Variants in OVCH1 observed in about 807,000 individuals in gnomAD.
OVCH1 encodes ovochymase-1.
In OVCH1, 139 loss-of-function variants were observed where a neutral mutation model predicts 138.4. That is an observed-to-expected ratio of 1.00 (90% CI 0.87 to 1.16). OVCH1 has a LOEUF of 1.16. Ranked by LOEUF, OVCH1 falls within the 50% of genes most tolerant of loss-of-function variation. The pLI is 0.00. For missense variants in OVCH1, 1,367 were observed against 1,357.9 expected, an observed-to-expected ratio of 1.01 and a Z score of -0.11; for synonymous variants, 453 against 467.8, an observed-to-expected ratio of 0.97 and a Z score of 0.41.
downstream of OVCH1, among the ~76,000 whole-genome samples, chr12:29,424,515 G>A (rs1056742717): frequency 1.1e-4 from 16 of 152,294 alleles, no homozygotes; most frequent in Admixed American, 5.2e-4. Context: ...AGCATAAGGC[G>A]GTAGGTAGGA....
downstream of OVCH1, among the ~76,000 whole-genome samples, chr12:29,408,216 A>G (rs1273644785): frequency 4.5e-3 from 573 of 126,452 alleles, 17 homozygotes; most frequent in African/African-American, 0.014. Flanking sequence ...GGCTGAGACA[A>G]TGGGGTTTTC....
downstream of OVCH1, chr12:29,427,511 G>C: frequency 6.5e-7 from 1 of 1,544,484 alleles, no homozygotes; most frequent in Non-Finnish European, 8.7e-7. Context: ...ACTTGAGACA[G>C]AATGTGCTTG....
chr12:29,449,122 G>A (rs1941700988), intron 22 of OVCH1, among the ~76,000 whole-genome samples: 1 of 152,072 alleles, frequency 6.6e-6, no homozygotes, highest in Non-Finnish European at 1.5e-5. Flanking sequence ...AGCCTTTAAT[G>A]TATTTTGCTT....
chr12:29,405,696 G>A, the OVCH1 span, among the ~76,000 whole-genome samples: 1 of 152,152 alleles, frequency 6.6e-6, no homozygotes, highest in Non-Finnish European at 1.5e-5. Context: ...TCTAGGATGA[G>A]AGAAAAATAA....
At chr12:29,450,154 A>G (rs1312174988) in intron 22 of OVCH1, among the ~76,000 whole-genome samples, 1 of 152,214 alleles carries the variant, frequency 6.6e-6, no homozygotes, top group Admixed American at 6.5e-5. Flanking sequence ...AACAAAAGTC[A>G]AAATTGACAA....
At chr12:29,480,855 C>T (rs778558974) in intron 8 of OVCH1, among the ~76,000 whole-genome samples, 1 of 152,182 alleles carries the variant, frequency 6.6e-6, no homozygotes, top group Admixed American at 6.5e-5. Flanking sequence ...TCTAAGGCTA[C>T]TCAGCATGCT....
At chr12:29,495,619 T>C (rs2136100377) in intron 3 of OVCH1, among the ~76,000 whole-genome samples, 162 bp from the exon 4 acceptor site, 1 of 152,326 alleles carries the variant, frequency 6.6e-6, no homozygotes, top group South Asian at 2.1e-4. Context: ...TCATATTTTT[T>C]TTAATCTAGA....
chr12:29,424,305 A>G (rs7954043), downstream of OVCH1, among the ~76,000 whole-genome samples: 32,886 of 152,170 alleles, frequency 0.22, 4,701 homozygotes, highest in African/African-American at 0.41. Flanking sequence ...GCCTTTAAGC[A>G]GTTTTCCATC....
intron 25 of OVCH1, among the ~76,000 whole-genome samples, chr12:29,442,267 A>G (rs1941505068): frequency 6.6e-6 from 1 of 151,920 alleles, no homozygotes; most frequent in Non-Finnish European, 1.5e-5. Flanking sequence ...TGTGGCACAT[A>G]TACACCATGG....
the OVCH1 span, among the ~76,000 whole-genome samples, chr12:29,404,587 A>G: frequency 6.6e-6 from 1 of 152,206 alleles, no homozygotes; most frequent in Non-Finnish European, 1.5e-5. Context: ...TGCTGACTGT[A>G]GACTCTGCCA....
downstream of OVCH1, chr12:29,425,882 C>T (rs1941172374): frequency 6.6e-6 from 1 of 152,110 alleles, no homozygotes. Flanking sequence ...TCTCTCTTCT[C>T]CAAGGTAAAC....
At chr12:29,439,616 G>T (rs1255119081) in intron 25 of OVCH1, among the ~76,000 whole-genome samples, 2 of 152,002 alleles carry the variant, frequency 1.3e-5, no homozygotes, top group Admixed American at 6.6e-5. Flanking sequence ...CAACAATTGG[G>T]TATCTTACAA....
At chr12:29,443,337 A>G in intron 25 of OVCH1, 24 bp downstream of exon 25, 1 of 1,604,936 alleles carries the variant, frequency 6.2e-7, no homozygotes, top group South Asian at 1.1e-5. Flanking sequence ...TCAGTAGCAT[A>G]GAGATTCATG....
chr12:29,447,733 C>T (rs1264475130), intron 22 of OVCH1, among the ~76,000 whole-genome samples: 3 of 151,930 alleles, frequency 2.0e-5, no homozygotes, highest in Non-Finnish European at 4.4e-5. Context: ...AAGATGGTTT[C>T]ATAGAGAGAT....
chr12:29,477,127 C>A (rs756213115), exon 12 of OVCH1: 3 of 1,611,822 alleles, frequency 1.9e-6, no homozygotes, highest in Non-Finnish European at 2.5e-6. Context: ...CTCTGGAGCA[C>A]AAATGAACCA....
chr12:29,477,553 A>G (rs371019153), exon 10 of OVCH1: 44 of 1,613,770 alleles, frequency 2.7e-5, no homozygotes, highest in Non-Finnish European at 3.6e-5. Flanking sequence ...TTTGTTTTCC[A>G]TCGTCTTCCA....
exon 22 of OVCH1, chr12:29,451,509 A>G (rs752311969): frequency 6.2e-7 from 1 of 1,613,294 alleles, no homozygotes; most frequent in Non-Finnish European, 8.5e-7. Flanking sequence ...ATAATCCAGT[A>G]GATACCGTGG....
chr12:29,486,775 C>A, intron 7 of OVCH1: 1 of 354,512 alleles, frequency 2.8e-6, no homozygotes. Context: ...TTCTGGTGTT[C>A]ATTTCACTGA....
chr12:29,461,760 G>A (rs1565586993), intron 19 of OVCH1, 94 bp downstream of exon 19: 2 of 1,471,730 alleles, frequency 1.4e-6, no homozygotes, highest in Non-Finnish European at 1.9e-6. Context: ...CACGTGACAA[G>A]TTGGTGATTT....
Sources: allele counts gnomAD v4.1 joint callset (sites outside exome capture counted in the v4.1 genomes callset), GRCh38; gene constraint gnomAD v4.1.1; transcripts MANE v1.5; gene names NCBI Gene and HGNC (gene_info 2026-07-23, HGNC 2026-07-21).